The following LPO variants were observed in gnomAD, a reference collection of about 807,000 sequenced individuals.
LPO encodes salivary peroxidase.
LPO carries 70 observed loss-of-function variants against 68.4 expected under a neutral mutation model. That is an observed-to-expected ratio of 1.02 (90% confidence interval 0.84 to 1.25). The LOEUF is 1.25. Ranked by LOEUF, LPO falls within the 50% of genes most tolerant of loss-of-function variation. The pLI, the probability that LPO is intolerant of heterozygous loss-of-function variation, is 0.00. For synonymous variants in LPO, 360 were observed against 357.6 expected, an observed-to-expected ratio of 1.01 and a Z score of -0.08; for missense variants, 873 against 908.4, an observed-to-expected ratio of 0.96 and a Z score of 0.50.
intron 11 of LPO, 78 bp downstream of exon 11, chr17:58,266,404 C>T (rs937719013): frequency 7.0e-7 from 1 of 1,435,686 alleles, no homozygotes; most frequent in Non-Finnish European, 9.5e-7. Context: ...TCTTCTATAA[C>T]CCTGAGGATC....
intron 9 of LPO, among the ~76,000 whole-genome samples, chr17:58,262,154 G>C (rs543150106): frequency 6.6e-6 from 1 of 152,226 alleles, no homozygotes; most frequent in Admixed American, 6.5e-5. Context: ...CATTCTTCAT[G>C]TTTAGAGAGT....
At position 58,250,557 on chromosome 17, in the gene LPO, G is replaced by A. The variant is rs1327517178; in HGVS notation, c.716G>A (p.Ser239Asn). The A allele has an allele frequency of 2.5e-6, 4 of 1,614,146 alleles. No homozygotes were observed. The highest frequency in any genetic ancestry group is 1.1e-5 in the South Asian group (1 of 91,080). The part of the protein sequence containing the change: ...DFAPDTELGS[S>N]EYSKAQCDEY... ...GCCCCTGACACCGAGCTGGGGAGTA[G>A]CGAGTACTCCAAAGCCCAGTGTGAT... Residue 239 changes from serine (S) to asparagine (N), a missense_variant, in exon 7 of 13, where the codon AGC (serine) becomes AAC (asparagine). Transcript: ENST00000262290.
intron 6 of LPO, 66 bp downstream of exon 6, chr17:58,249,761 C>T: frequency 6.7e-7 from 1 of 1,493,490 alleles, no homozygotes; most frequent in Non-Finnish European, 8.9e-7. Context: ...TACCCAAACA[C>T]GCAGTGAAAG....
At chr17:58,256,319 G>A (rs1970068093) in intron 9 of LPO, among the ~76,000 whole-genome samples, 1 of 151,500 alleles carries the variant, frequency 6.6e-6, no homozygotes, top group Non-Finnish European at 1.5e-5. Context: ...TCAAACATAA[G>A]TTTCTGCATG....
In LPO at chr17:58,266,237, G is replaced by C; in HGVS notation, c.1604G>C (p.Arg535Pro). The change falls in exon 11 of 13, where the codon CGC (arginine) becomes CCC (proline). Residue 535 changes from arginine to proline, a missense_variant. Physicochemically the swap from Arg to Pro is moderately radical, Grantham distance 103. Transcript: ENST00000262290. ...AATAAAATGATGACTGGAGAGCTGC[G>C]CAACAAGCTTTTCCAGCCAACTCAC... is the stretch of plus-strand genomic sequence containing the variant. Reference protein sequence around the residue: ...KQNKMMTGELRNKLFQPTHRI... With the variant: ...KQNKMMTGELPNKLFQPTHRI... The C allele has an allele frequency of 6.2e-7, 1 of 1,614,100 alleles. No homozygotes were observed. The highest frequency in any genetic ancestry group is 8.5e-7 in the Non-Finnish European group (1 of 1,180,024).
In LPO at chr17:58,242,983, AG is replaced by A; in HGVS notation, c.7del (p.Val3SerfsTer36). 6.2e-7 allele frequency: 1 copy of A among 1,613,968 alleles called. No homozygotes were observed. Among genetic ancestry groups the A allele is most frequent in the Non-Finnish European group, 8.5e-7 (1 of 1,179,968 alleles). On this transcript the variant is annotated frameshift_variant, in exon 2 of 13. Transcript: ENST00000262290. LOFTEE classifies it high-confidence loss of function. ...GATCCTGCATCTCGTTTCAGTGATG[AG>A]GGTCCTTCTCCATCTCCCAGCCCTC... M[R>X]VLLHLPALLA...
chr17:58,263,465 A>G (rs1412823241), intron 9 of LPO, among the ~76,000 whole-genome samples: 3 of 152,170 alleles, frequency 2.0e-5, no homozygotes, highest in Admixed American at 1.3e-4. Flanking sequence ...TAGGCCAGGC[A>G]CAGTGGCTCA....
intron 9 of LPO, among the ~76,000 whole-genome samples, chr17:58,262,042 T>G (rs1012667523): frequency 2.0e-5 from 3 of 152,250 alleles, no homozygotes; most frequent in African/African-American, 7.2e-5. Context: ...TAAAATATAA[T>G]GAAAAAATTC....
intron 9 of LPO, among the ~76,000 whole-genome samples, chr17:58,256,366 G>A (rs1970069215): frequency 1.3e-5 from 2 of 150,466 alleles, no homozygotes; most frequent in South Asian, 4.2e-4. Flanking sequence ...ACATGCCTAA[G>A]AGTGCAATTG....
intron 9 of LPO, among the ~76,000 whole-genome samples, chr17:58,260,616 A>G (rs984295267): frequency 6.6e-6 from 1 of 152,094 alleles, no homozygotes; most frequent in South Asian, 2.1e-4. Context: ...AACTTTGTCA[A>G]ACGGTTTTTC....
chr17:58,252,024 G>C, intron 7 of LPO, 158 bp from the exon 8 acceptor site: 1 of 763,958 alleles, frequency 1.3e-6, no homozygotes, highest in South Asian at 1.4e-5. Flanking sequence ...AGCCCAGGGT[G>C]TGTAATGTCA....
At chr17:58,256,152 TC>T in intron 9 of LPO, among the ~76,000 whole-genome samples, 1 of 152,220 alleles carries the variant, frequency 6.6e-6, no homozygotes, top group East Asian at 1.9e-4. Context: ...TTGAGGCTCA[TC>T]CATGCTGTTG....
At chr17:58,249,297 G>C (rs917379702) in intron 5 of LPO, 120 bp downstream of exon 5, 10 of 960,722 alleles carry the variant, frequency 1.0e-5, no homozygotes, top group African/African-American at 1.6e-5. Flanking sequence ...CTGGGCTGGC[G>C]TTCCCACCTT....
rs539239324 is a variant in LPO, at chr17:58,247,516, G to A, written c.203G>A (p.Arg68Gln). ...TAMSSETPTS[R>Q]QLSEYLKHAK... ...ATGAGCTCTGAGACTCCCACCAGCCGACAGCTCTCAGAATACCTCAAGCAT... is the reference window on the plus strand; with the variant it reads ...ATGAGCTCTGAGACTCCCACCAGCCAACAGCTCTCAGAATACCTCAAGCAT... Residue 68 changes from arginine to glutamine, a missense_variant, in exon 4 of 13, where the codon CGA becomes CAA. By Grantham distance (43) the Arg-to-Gln change is conservative. Transcript: ENST00000262290. 9.3e-6 allele frequency: 15 copies of A among 1,612,594 alleles called. No individual in the cohort carries two copies. Among genetic ancestry groups the A allele is most frequent in the South Asian group, 4.4e-5 (4 of 91,016 alleles).
Position 58,250,478 on chromosome 17 carries a change from AG to A in LPO, c.639del (p.Arg213SerfsTer88). 4 of 1,614,182 alleles carry A rather than the reference AG, an allele frequency of 2.5e-6. No individual in the cohort carries two copies. The highest frequency in any genetic ancestry group is 3.4e-6 in the Non-Finnish European group (4 of 1,180,040). ...TGAGGAGGGTGTTCTGGACCAAAAC[AG>A]GTCCCTGCTCTTCATGCAGTGGGGT... is the stretch of plus-strand genomic sequence containing the variant. ...LNEEGVLDQNRSLLFMQWGQI... is the reference protein window; with the variant it reads ...LNEEGVLDQNXSLLFMQWGQI... On this transcript the variant is annotated frameshift_variant, in exon 7 of 13. Coordinates refer to ENST00000262290, the MANE Select transcript of LPO (RefSeq NM_006151.3). LOFTEE classifies it high-confidence loss of function.
intron 9 of LPO, among the ~76,000 whole-genome samples, chr17:58,264,226 T>A (rs1970219685): frequency 6.6e-6 from 1 of 152,256 alleles, no homozygotes; most frequent in South Asian, 2.1e-4. Flanking sequence ...GAAAATTTTT[T>A]ATTTGTGTTA....
intron 9 of LPO, among the ~76,000 whole-genome samples, chr17:58,259,312 G>A (rs1367957482): frequency 6.6e-6 from 1 of 152,100 alleles, no homozygotes; most frequent in Non-Finnish European, 1.5e-5. Flanking sequence ...TCTGGCTATG[G>A]ATGTCAAATT....
chr17:58,254,681 G>A, intron 8 of LPO, 130 bp from the exon 9 acceptor site: 1 of 780,612 alleles, frequency 1.3e-6, no homozygotes, highest in Non-Finnish European at 2.0e-6. Flanking sequence ...CACCTGACGG[G>A]AAGTAGGGCT....
At chr17:58,241,185 A>C (rs1256006139) in intron 1 of LPO, among the ~76,000 whole-genome samples, 1 of 125,188 alleles carries the variant, frequency 8.0e-6, no homozygotes, top group Non-Finnish European at 1.5e-5. Flanking sequence ...ATCTTGGCTC[A>C]CTGCAGCCTC....
Sources: gnomAD v4.1 joint callset for allele counts (sites outside exome capture counted in the v4.1 genomes callset) on GRCh38, gnomAD v4.1.1 for gene constraint, MANE v1.5 for transcripts, NCBI Gene and HGNC (gene_info 2026-07-23, HGNC 2026-07-21) for gene names.